Variants in EYA4 observed in about 807,000 individuals in gnomAD.
EYA4 encodes protein phosphatase EYA4.
In EYA4, 31 loss-of-function variants were observed where a neutral mutation model predicts 87.9. The ratio of observed to expected loss-of-function variants is 0.35; its 90% CI spans 0.27 to 0.48. The LOEUF is 0.48. Among genes scored for constraint, EYA4 ranks in the 20% least tolerant of loss-of-function variants. The pLI, the probability that EYA4 is intolerant of heterozygous loss-of-function variation, is 0.99. For missense variants in EYA4, 678 were observed against 761.4 expected (o/e 0.89, Z 1.29); for synonymous variants, 263 against 270.6 (o/e 0.97, Z 0.28).
At chr6:133,523,648 A>G (rs1800379689) in intron 18 of EYA4, among the ~76,000 whole-genome samples, 1 of 152,186 alleles carries the variant, frequency 6.6e-6, no homozygotes, top group Non-Finnish European at 1.5e-5. Context: ...ATAACACATG[A>G]GCGACTGGAA....
intron 2 of EYA4, among the ~76,000 whole-genome samples, chr6:133,318,671 G>A (rs906531135): frequency 1.4e-5 from 2 of 147,890 alleles, no homozygotes; most frequent in African/African-American, 2.5e-5. Context: ...TAGTTCCTTC[G>A]GCAGCTTTGA....
At chr6:133,297,985 G>T (rs979406483) in intron 2 of EYA4, among the ~76,000 whole-genome samples, 1 of 152,130 alleles carries the variant, frequency 6.6e-6, no homozygotes, top group South Asian at 2.1e-4. Flanking sequence ...CTACAATATG[G>T]TGATTTTCAA....
chr6:133,506,750 C>T (rs1253760816), intron 14 of EYA4, among the ~76,000 whole-genome samples: 1 of 152,068 alleles, frequency 6.6e-6, no homozygotes, highest in East Asian at 1.9e-4. Context: ...AATGGCAAGA[C>T]AGTGTCTAAA....
At chr6:133,509,014 TG>T (rs1254340487) in intron 14 of EYA4, among the ~76,000 whole-genome samples, 1 of 152,210 alleles carries the variant, frequency 6.6e-6, no homozygotes, top group Non-Finnish European at 1.5e-5. Flanking sequence ...GCAGATAAAT[TG>T]AACTCTCACT....
intron 1 of EYA4, among the ~76,000 whole-genome samples, chr6:133,244,871 T>C (rs1774278917): frequency 6.6e-6 from 1 of 152,058 alleles, no homozygotes; most frequent in African/African-American, 2.4e-5. Flanking sequence ...TTTAGAAAGA[T>C]AGAATGACAG....
intron 5 of EYA4, among the ~76,000 whole-genome samples, chr6:133,448,514 AAGC>A (rs1480217519): frequency 1.3e-5 from 2 of 152,174 alleles, no homozygotes; most frequent in Admixed American, 6.5e-5. Context: ...ACAGCAATTG[AAGC>A]AGAATGGCCA....
intron 2 of EYA4, among the ~76,000 whole-genome samples, chr6:133,372,762 A>T (rs1228083661): frequency 1.3e-5 from 2 of 151,546 alleles, no homozygotes; most frequent in African/African-American, 4.8e-5. Flanking sequence ...TTTATATTTT[A>T]TATAAATTAA....
chr6:133,441,582 G>A (rs1792300216), intron 3 of EYA4, among the ~76,000 whole-genome samples: 2 of 152,298 alleles, frequency 1.3e-5, no homozygotes, highest in South Asian at 4.1e-4. Flanking sequence ...TCCCCTATTG[G>A]CTATGGTGAG....
chr6:133,520,267 G>C (rs1342554955), intron 17 of EYA4, among the ~76,000 whole-genome samples: 6 of 146,812 alleles, frequency 4.1e-5, no homozygotes, highest in Admixed American at 2.1e-4. Flanking sequence ...TCCTTAAGCT[G>C]ATAAGCAACT....
At chr6:133,301,149 T>C (rs2128314095) in intron 2 of EYA4, among the ~76,000 whole-genome samples, 1 of 152,330 alleles carries the variant, frequency 6.6e-6, no homozygotes, top group South Asian at 2.1e-4. Context: ...ATGAGGGTTT[T>C]TTGGAATATG....
At chr6:133,254,449 T>G (rs1775177626) in intron 1 of EYA4, among the ~76,000 whole-genome samples, 1 of 152,094 alleles carries the variant, frequency 6.6e-6, no homozygotes, top group Non-Finnish European at 1.5e-5. Context: ...CAGGCACAAT[T>G]GAGGAAGTAA....
At chr6:133,396,648 T>C (rs1375751608) in intron 3 of EYA4, among the ~76,000 whole-genome samples, 1 of 152,180 alleles carries the variant, frequency 6.6e-6, no homozygotes, top group Admixed American at 6.5e-5. Flanking sequence ...TATAGGTGTT[T>C]GTTTTAAAGA....
chr6:133,487,522 C>T (rs1796783342), intron 13 of EYA4, among the ~76,000 whole-genome samples: 1 of 152,156 alleles, frequency 6.6e-6, no homozygotes, highest in Non-Finnish European at 1.5e-5. Context: ...ATTTGCCTTG[C>T]AACTTGGATA....
At chr6:133,324,904 A>ATTTTTTTTTT (rs756478373) in intron 2 of EYA4, among the ~76,000 whole-genome samples, 2 of 83,578 alleles carry the variant, frequency 2.4e-5, no homozygotes, top group African/African-American at 9.5e-5. Flanking sequence ...TTCAGAAGCT[A>ATTTTTTTTTT]TTTTTTTTTT....
chr6:133,348,562 G>A (rs368062136), intron 2 of EYA4, among the ~76,000 whole-genome samples: 8 of 152,032 alleles, frequency 5.3e-5, no homozygotes, highest in African/African-American at 9.7e-5. Flanking sequence ...ACCGTACCCA[G>A]CCTCAAGTTT....
chr6:133,295,554 AT>A (rs1778883938), intron 2 of EYA4, among the ~76,000 whole-genome samples: 1 of 152,134 alleles, frequency 6.6e-6, no homozygotes, highest in African/African-American at 2.4e-5. Context: ...ATATGACATA[AT>A]TTTTCATAGA....
At chr6:133,484,005 G>A (rs527457961) in intron 13 of EYA4, among the ~76,000 whole-genome samples, 129 of 152,178 alleles carry the variant, frequency 8.5e-4, no homozygotes, top group African/African-American at 2.5e-3. Context: ...GATTACAGGC[G>A]TGAGCCACCA....
intron 1 of EYA4, among the ~76,000 whole-genome samples, chr6:133,269,690 C>T (rs1001669816): frequency 3.3e-5 from 5 of 152,006 alleles, no homozygotes; most frequent in African/African-American, 1.2e-4. Flanking sequence ...GAATATATGA[C>T]TGGATATATG....
chr6:133,453,417 CTG>C (rs1326917217), intron 5 of EYA4, among the ~76,000 whole-genome samples: 2 of 151,970 alleles, frequency 1.3e-5, no homozygotes, highest in Admixed American at 6.6e-5. Context: ...TACTAGTTAA[CTG>C]TTATATAAAT....
Sources: gnomAD v4.1 joint callset for allele counts (sites outside exome capture counted in the v4.1 genomes callset) on GRCh38, gnomAD v4.1.1 for gene constraint, MANE v1.5 for transcripts, NCBI Gene and HGNC (gene_info 2026-07-23, HGNC 2026-07-21) for gene names.